The following XRRA1 variants were observed in gnomAD, a reference collection of about 807,000 sequenced individuals.
The protein encoded by XRRA1 is X-ray radiation resistance-associated protein 1.
In XRRA1, 69 loss-of-function variants were observed where a neutral mutation model predicts 80.2. The observed-to-expected ratio is 0.86, with a 90% CI of 0.71 to 1.05. The LOEUF (loss-of-function observed/expected upper bound fraction) is 1.05, where lower values mean the gene tolerates loss of function less well. XRRA1 is among the 50% of genes least tolerant of loss of function. The pLI is 0.00. For synonymous variants in XRRA1, 348 were observed against 389.9 expected (o/e 0.89, Z 1.27); for missense variants, 967 against 976.4 (o/e 0.99, Z 0.13).
intron 6 of XRRA1, among the ~76,000 whole-genome samples, chr11:74,929,217 C>T (rs1017478966): frequency 6.6e-6 from 1 of 152,006 alleles, no homozygotes; most frequent in Non-Finnish European, 1.5e-5. Flanking sequence ...CCCTTGATTC[C>T]TCCCTCTCCC....
intron 3 of XRRA1, among the ~76,000 whole-genome samples, chr11:74,937,547 T>C (rs1945285698): frequency 6.6e-6 from 1 of 151,330 alleles, no homozygotes; most frequent in Non-Finnish European, 1.5e-5. Context: ...CCTCTATCAG[T>C]ATACAGAAAA....
intron 10 of XRRA1, among the ~76,000 whole-genome samples, chr11:74,872,280 C>G (rs1476148982): frequency 6.6e-6 from 1 of 152,126 alleles, no homozygotes; most frequent in Non-Finnish European, 1.5e-5. Flanking sequence ...CTCCTTATCC[C>G]CTACTCAGTC....
intron 10 of XRRA1, among the ~76,000 whole-genome samples, chr11:74,884,550 C>G (rs918149616): frequency 6.6e-6 from 1 of 152,196 alleles, no homozygotes; most frequent in African/African-American, 2.4e-5. Context: ...CACCAGGCAC[C>G]TATAAAAACC....
chr11:74,907,783 C>G (rs2054966315), intron 8 of XRRA1, among the ~76,000 whole-genome samples: 1 of 152,152 alleles, frequency 6.6e-6, no homozygotes, highest in Non-Finnish European at 1.5e-5. Context: ...TGCAGTGAGG[C>G]TCTCTTCTCA....
intron 12 of XRRA1, among the ~76,000 whole-genome samples, chr11:74,855,501 C>T (rs542415583): frequency 2.0e-5 from 3 of 152,194 alleles, no homozygotes; most frequent in African/African-American, 4.8e-5. Context: ...ACACAGCAAG[C>T]GGAAATCTGG....
intron 7 of XRRA1, among the ~76,000 whole-genome samples, chr11:74,924,461 G>A (rs1263736829): frequency 3.4e-5 from 5 of 145,702 alleles, no homozygotes; most frequent in South Asian, 2.2e-4. Flanking sequence ...GCGACAGAGC[G>A]AAACTCCGTC....
chr11:74,886,041 T>TA (rs2048941037), intron 10 of XRRA1, among the ~76,000 whole-genome samples: 2 of 152,318 alleles, frequency 1.3e-5, no homozygotes, highest in East Asian at 3.9e-4. Context: ...CTCAATAAAC[T>TA]AGGCATTTAA....
intron 10 of XRRA1, among the ~76,000 whole-genome samples, chr11:74,889,479 G>A (rs1242309387): frequency 1.3e-5 from 2 of 152,208 alleles, no homozygotes; most frequent in Admixed American, 1.3e-4. Flanking sequence ...TCGAGGCTAG[G>A]AAGAAACTGC....
At chr11:74,917,976 TA>T (rs34040155) in intron 8 of XRRA1, among the ~76,000 whole-genome samples, 40 of 149,296 alleles carry the variant, frequency 2.7e-4, no homozygotes, top group Non-Finnish European at 2.4e-4. Flanking sequence ...ACCTTGAGGT[TA>T]AAAAAAAAAA....
Position 74,844,262 on chromosome 11 carries a change from G to C in XRRA1, c.1949C>G (p.Ala650Gly), listed in dbSNP as rs2037378006. ...EPKGIQKNAQ[A>G]LQQMLKHPLL... ...TGGGTGCTTCAGCATTTGTTGCAGGGCTTGTGCATTCTTCTGGATTCCTAG... is the reference window on the plus strand; with the variant it reads ...TGGGTGCTTCAGCATTTGTTGCAGGCCTTGTGCATTCTTCTGGATTCCTAG... Residue 650 changes from alanine to glycine, a missense_variant, in exon 17 of 19, where the codon GCC (alanine) becomes GGC (glycine). By Grantham distance (60) the Ala-to-Gly change is moderately conservative (BLOSUM62 0). Transcript: ENST00000684022. The C allele has an allele frequency of 1.2e-6, 2 of 1,613,246 alleles. No homozygotes were observed. The highest frequency in any genetic ancestry group is 1.3e-5 in the African/African-American group (1 of 75,020).
At chr11:74,904,360 G>A (rs2054136939) in intron 10 of XRRA1, among the ~76,000 whole-genome samples, 1 of 152,082 alleles carries the variant, frequency 6.6e-6, no homozygotes, top group Admixed American at 6.6e-5. Context: ...TTGGGAGGCT[G>A]AGGCAGGAGG....
chr11:74,898,333 GAAGAC>G (rs925768600), intron 10 of XRRA1, among the ~76,000 whole-genome samples: 3 of 151,744 alleles, frequency 2.0e-5, no homozygotes, highest in African/African-American at 7.2e-5. Context: ...TCAGTAAAAG[GAAGAC>G]AAGAGGGAAA....
chr11:74,937,028 C>T lies in XRRA1; in HGVS notation c.135G>A (p.Lys45=). The T allele has an allele frequency of 6.2e-7, 1 of 1,613,908 alleles. No homozygotes were observed. The highest frequency in any genetic ancestry group is 1.1e-5 in the South Asian group (1 of 91,072). ...CTCCAACCAAACCCTTGGGCTTCTT[C>T]TTGAGGTTACCTTTCTGAACCACTA... ...HWLVVQKGNL[K]KKPKGLVGAQ... is the part of the protein sequence containing the mutation. The change falls in exon 4 of 19, where the codon AAG becomes AAA. Residue 45 remains lysine, a synonymous_variant. Transcript: ENST00000684022.
At chr11:74,870,480 G>T (rs2044523262) in intron 10 of XRRA1, among the ~76,000 whole-genome samples, 1 of 152,094 alleles carries the variant, frequency 6.6e-6, no homozygotes, top group African/African-American at 2.4e-5. Flanking sequence ...GAAATGCTGT[G>T]GGAATTTTTA....
intron 1 of XRRA1, among the ~76,000 whole-genome samples, chr11:74,945,490 T>G (rs1280695804): frequency 2.0e-5 from 3 of 152,212 alleles, no homozygotes; most frequent in African/African-American, 7.2e-5. Flanking sequence ...AAAAGATGAC[T>G]CACACTGAAG....
At position 74,848,255 on chromosome 11, in the gene XRRA1, G is replaced by A; in HGVS notation, c.1588C>T (p.Pro530Ser). The A allele has an allele frequency of 1.2e-6, 2 of 1,613,906 alleles. No homozygotes were observed. Among genetic ancestry groups the A allele is most frequent in the African/African-American group, 1.3e-5 (1 of 75,024 alleles). Residue 530 changes from proline to serine, a missense_variant, in exon 15 of 19, where the codon CCA becomes TCA. Physicochemically the swap from Pro to Ser is moderately conservative, Grantham distance 74. Coordinates refer to ENST00000684022, the MANE Select transcript of XRRA1 (RefSeq NM_001378157.1). ...GAGTTGGAGCAGATGGGAGGCAGTG[G>A]CACGAAGGTCCGGCAAGACGGGGAA... is the stretch of plus-strand genomic sequence containing the variant. ...GHSPSCRTFV[P>S]LPPICSNSTV... is the part of the protein sequence containing the mutation.
At chr11:74,933,590 G>C in intron 5 of XRRA1, 1 of 528,360 alleles carries the variant, frequency 1.9e-6, no homozygotes, top group Non-Finnish European at 3.4e-6. Context: ...TATCAAATAG[G>C]ACAAGGGCAA....
At chr11:74,849,287 C>T (rs910045740) in intron 14 of XRRA1, among the ~76,000 whole-genome samples, 8 of 152,142 alleles carry the variant, frequency 5.3e-5, no homozygotes, top group Admixed American at 1.3e-4. Flanking sequence ...ACAGGTCTAT[C>T]CTTTGAGCAC....
At chr11:74,921,696 C>T (rs2138979212) in intron 7 of XRRA1, among the ~76,000 whole-genome samples, 1 of 152,308 alleles carries the variant, frequency 6.6e-6, no homozygotes, top group South Asian at 2.1e-4. Context: ...AAAGCTGCCT[C>T]CTTGTAAAAC....
Sources: allele counts gnomAD v4.1 joint callset (sites outside exome capture counted in the v4.1 genomes callset), GRCh38; gene constraint gnomAD v4.1.1; transcripts MANE v1.5; gene names NCBI Gene and HGNC (gene_info 2026-07-23, HGNC 2026-07-21).